The following ANKRD11 variants were observed in gnomAD, a reference collection of about 807,000 sequenced individuals.
The protein encoded by ANKRD11 is ankyrin repeat domain-containing protein 11.
In ANKRD11, 17 loss-of-function variants were observed where a neutral mutation model predicts 195.7. The ratio of observed to expected loss-of-function variants is 0.09; its 90% CI spans 0.06 to 0.13. The LOEUF is 0.13. Among genes scored for constraint, ANKRD11 ranks in the 10% least tolerant of loss-of-function variants. The pLI, the probability that ANKRD11 is intolerant of heterozygous loss-of-function variation, is 1.00. For synonymous variants in ANKRD11, 1,953 were observed against 1,528.1 expected, an observed-to-expected ratio of 1.28 and a Z score of -6.49; for missense variants, 3,735 against 3,566.1, an observed-to-expected ratio of 1.05 and a Z score of -1.21.
chr16:89,382,521 T>C (rs999802403), intron 2 of ANKRD11, among the ~76,000 whole-genome samples: 5 of 151,902 alleles, frequency 3.3e-5, no homozygotes, highest in Non-Finnish European at 5.9e-5. Flanking sequence ...GAGACGGGAT[T>C]TCACCATGTT....
At chr16:89,350,437 G>A (rs2039155460) in intron 2 of ANKRD11, among the ~76,000 whole-genome samples, 1 of 152,144 alleles carries the variant, frequency 6.6e-6, no homozygotes, top group South Asian at 2.1e-4. Flanking sequence ...ACTGCTTATT[G>A]GATGAACATG....
intron 1 of ANKRD11, among the ~76,000 whole-genome samples, chr16:89,439,371 C>G (rs2043348983): frequency 1.3e-5 from 2 of 152,196 alleles, no homozygotes; most frequent in Non-Finnish European, 2.9e-5. Context: ...TGTTCCTTGA[C>G]TTGCAATGGG....
chr16:89,470,051 G>T (rs926077049), intron 1 of ANKRD11, among the ~76,000 whole-genome samples: 1 of 148,948 alleles, frequency 6.7e-6, no homozygotes. Context: ...GACTACAGGC[G>T]CCCGCCACCA....
chr16:89,437,550 C>A (rs1173225512), intron 1 of ANKRD11, among the ~76,000 whole-genome samples: 1 of 152,128 alleles, frequency 6.6e-6, no homozygotes, highest in East Asian at 1.9e-4. Flanking sequence ...AACAGTCCTC[C>A]AGAGACAGTC....
In ANKRD11 at chr16:89,295,985, C is replaced by CTT. The variant is rs60214636; in HGVS notation, c.227-4804_227-4803dup. 7.5e-4 allele frequency among the ~76,000 whole-genome samples: 34 copies of CTT among 45,140 alleles called. 6 individuals carry two copies. The highest frequency in any genetic ancestry group is 2.0e-3 in the African/African-American group (19 of 9,520). The allele number at this position is 45,140 out of a possible 152,430, so 29.6% of individuals were successfully genotyped here. On this transcript the variant is annotated intron_variant, in intron 4 of 12. Coordinates refer to ENST00000301030, the MANE Select transcript of ANKRD11 (RefSeq NM_013275.6). ...GGGAGTGTCTTCTCTATCTGGCTGC[C>CTT]TTTTTTTTTTTTTTTTTTTTTGAGA...
At chr16:89,314,066 A>G (rs2036785332) in intron 3 of ANKRD11, among the ~76,000 whole-genome samples, 1 of 152,154 alleles carries the variant, frequency 6.6e-6, no homozygotes, top group African/African-American at 2.4e-5. Context: ...TCTACAAAAG[A>G]TACAAAAATG....
At chr16:89,473,171 C>A (rs1184861590) in intron 1 of ANKRD11, among the ~76,000 whole-genome samples, 2 of 126,668 alleles carry the variant, frequency 1.6e-5, no homozygotes, top group Non-Finnish European at 3.5e-5. Flanking sequence ...GAAAGCAAGA[C>A]CCTGCCTCAA....
At chr16:89,381,387 T>C (rs2040648246) in intron 2 of ANKRD11, among the ~76,000 whole-genome samples, 1 of 147,560 alleles carries the variant, frequency 6.8e-6, no homozygotes. Context: ...GTTCAGACTA[T>C]TAGAAGCAAG....
chr16:89,448,399 T>C (rs2043905708), intron 1 of ANKRD11, among the ~76,000 whole-genome samples: 1 of 152,092 alleles, frequency 6.6e-6, no homozygotes, highest in Non-Finnish European at 1.5e-5. Flanking sequence ...AAGAAAAACT[T>C]CTCCCTGATC....
At chr16:89,434,385 C>G (rs1308289534) in intron 1 of ANKRD11, among the ~76,000 whole-genome samples, 5 of 152,192 alleles carry the variant, frequency 3.3e-5, no homozygotes, top group Non-Finnish European at 7.3e-5. Context: ...CTTGAGAATT[C>G]TCATACTCTT....
intron 1 of ANKRD11, among the ~76,000 whole-genome samples, chr16:89,469,605 A>G (rs2057002091): frequency 6.6e-6 from 1 of 151,754 alleles, no homozygotes; most frequent in Non-Finnish European, 1.5e-5. Context: ...GCAAATAAGA[A>G]AGGAAAAAGT....
At chr16:89,460,533 T>C (rs889961601) in intron 1 of ANKRD11, among the ~76,000 whole-genome samples, 7 of 152,134 alleles carry the variant, frequency 4.6e-5, no homozygotes, top group African/African-American at 1.7e-4. Flanking sequence ...CACTCCAGCC[T>C]TGGTGACAGA....
chr16:89,340,567 G>A (rs1055932328), intron 2 of ANKRD11, among the ~76,000 whole-genome samples: 12 of 152,230 alleles, frequency 7.9e-5, no homozygotes, highest in African/African-American at 1.9e-4. Context: ...GAGCCACAGC[G>A]CCCAGTCCTG....
At chr16:89,489,871 C>A (rs866476477) in intron 1 of ANKRD11, among the ~76,000 whole-genome samples, 23 of 145,344 alleles carry the variant, frequency 1.6e-4, no homozygotes, top group South Asian at 1.3e-3. Flanking sequence ...ATCGGCCCCT[C>A]AGAGCCGCCG....
intron 11 of ANKRD11, chr16:89,271,977 C>A (rs533594751): frequency 6.6e-6 from 1 of 152,018 alleles, no homozygotes; most frequent in African/African-American, 2.4e-5. Context: ...TGGGAGGAAA[C>A]GCCTGCAAAC....
At position 89,274,807 on chromosome 16, in the gene ANKRD11, G is replaced by A; in HGVS notation, c.7713+7C>T. 1.9e-6 allele frequency: 3 copies of A among 1,609,216 alleles called. No individual in the cohort carries two copies. Among genetic ancestry groups the A allele is most frequent in the Non-Finnish European group, 2.5e-6 (3 of 1,179,828 alleles). On this transcript the variant is annotated splice_region_variant and intron_variant, in intron 11 of 12. Transcript: ENST00000301030. ...ACTCATGGGCCTGGCATGCAGACGGGCCCTACCTGGCTCTCCAGGGGCATG... is the reference window on the plus strand; with the variant it reads ...ACTCATGGGCCTGGCATGCAGACGGACCCTACCTGGCTCTCCAGGGGCATG...
chr16:89,347,486 C>T (rs534622679), intron 2 of ANKRD11, among the ~76,000 whole-genome samples: 15 of 152,028 alleles, frequency 9.9e-5, no homozygotes, highest in African/African-American at 2.9e-4. Context: ...TGGCAGGCGC[C>T]GGTAGTCCCA....
At position 89,321,717 on chromosome 16, in the gene ANKRD11, T is replaced by A. The variant is rs1408031545; in HGVS notation, c.-59-4639A>T. Among the ~76,000 whole-genome samples, 3 of 151,994 alleles carry A rather than the reference T, an allele frequency of 2.0e-5. No homozygotes were observed. The East Asian group carries it at 5.8e-4, about 29-fold the overall frequency. Reference sequence around the variant, plus strand: ...AAAACTCACAGAAAAAAAAAAAGACTTCTTTGGGGTTGAAATTCACCTTCA... The same window carrying A: ...AAAACTCACAGAAAAAAAAAAAGACATCTTTGGGGTTGAAATTCACCTTCA... On this transcript the variant is annotated intron_variant, in intron 2 of 12. Transcript: ENST00000301030.
At chr16:89,401,713 CTA>C (rs1394184856) in intron 2 of ANKRD11, among the ~76,000 whole-genome samples, 1 of 152,150 alleles carries the variant, frequency 6.6e-6, no homozygotes, top group African/African-American at 2.4e-5. Flanking sequence ...GGTGAGATCG[CTA>C]GGGTGGGCCC....
Sources: gnomAD v4.1 joint callset for allele counts (sites outside exome capture counted in the v4.1 genomes callset) on GRCh38, gnomAD v4.1.1 for gene constraint, MANE v1.5 for transcripts, NCBI Gene and HGNC (gene_info 2026-07-23, HGNC 2026-07-21) for gene names.